GASK1B: variants seen among roughly 807,000 people sequenced by gnomAD.
The protein encoded by GASK1B is Golgi-associated kinase 1B.
Under a neutral mutation model 42.8 loss-of-function variants are expected in GASK1B, and 34 were observed. That is an observed-to-expected ratio of 0.79 (90% confidence interval 0.60 to 1.06). The LOEUF (loss-of-function observed/expected upper bound fraction) is 1.06, where lower values mean the gene tolerates loss of function less well. GASK1B is among the 50% of genes least tolerant of loss of function. The pLI, the probability that GASK1B is intolerant of heterozygous loss-of-function variation, is 0.00. For missense variants in GASK1B, 686 were observed against 661.0 expected, an observed-to-expected ratio of 1.04 and a Z score of -0.42; for synonymous variants, 262 against 259.1, an observed-to-expected ratio of 1.01 and a Z score of -0.11.
intron 3 of GASK1B, among the ~76,000 whole-genome samples, chr4:158,150,220 C>T (rs1018880049): frequency 5.3e-5 from 8 of 152,096 alleles, no homozygotes; most frequent in South Asian, 4.1e-4. Context: ...CCACCGCGCT[C>T]GGCCTCTGCA....
chr4:158,143,511 C>G (rs755136983), intron 3 of GASK1B, among the ~76,000 whole-genome samples: 2 of 151,918 alleles, frequency 1.3e-5, no homozygotes, highest in African/African-American at 4.8e-5. Flanking sequence ...GAGTCTCTTA[C>G]AGCATCCCGA....
chr4:158,133,375 C>T (rs1022472873), intron 3 of GASK1B, among the ~76,000 whole-genome samples: 3 of 151,940 alleles, frequency 2.0e-5, no homozygotes, highest in South Asian at 2.1e-4. Context: ...GAATATAACC[C>T]GTAAAGAAAA....
intron 3 of GASK1B, among the ~76,000 whole-genome samples, chr4:158,151,701 A>T (rs888624528): frequency 2.6e-5 from 4 of 152,172 alleles, no homozygotes; most frequent in African/African-American, 9.7e-5. Flanking sequence ...CCTAGAGGAG[A>T]TGGACAAATT....
chr4:158,151,483 AATGGGGTAAGACT>A (rs1731555115), intron 3 of GASK1B, among the ~76,000 whole-genome samples: 1 of 152,162 alleles, frequency 6.6e-6, no homozygotes, highest in Non-Finnish European at 1.5e-5. Flanking sequence ...TCACCTCCCA[AATGGGGTAAGACT>A]ATTCCTCATA....
At chr4:158,137,972 C>A (rs1730968938) in intron 3 of GASK1B, among the ~76,000 whole-genome samples, 1 of 152,154 alleles carries the variant, frequency 6.6e-6, no homozygotes, top group African/African-American at 2.4e-5. Flanking sequence ...TCTATTCCAC[C>A]TCTACTTTAG....
intron 2 of GASK1B, 165 bp downstream of exon 2, chr4:158,170,301 G>T: frequency 6.2e-7 from 1 of 1,614,240 alleles, no homozygotes; most frequent in Non-Finnish European, 8.5e-7. Context: ...CCCAGGCTGG[G>T]AAAATAAAGA....
intron 2 of GASK1B, chr4:158,159,658 G>A (rs530668074): frequency 2.4e-5 from 6 of 245,020 alleles, no homozygotes; most frequent in Admixed American, 5.1e-5. Context: ...GGTTTTAAAA[G>A]ATATGTGGGT....
At chr4:158,168,131 G>T (rs1278720744) in intron 2 of GASK1B, among the ~76,000 whole-genome samples, 2 of 152,026 alleles carry the variant, frequency 1.3e-5, no homozygotes, top group African/African-American at 4.8e-5. Flanking sequence ...GTAGAAGAAG[G>T]TATCAAAGAC....
intron 4 of GASK1B, among the ~76,000 whole-genome samples, chr4:158,127,843 C>T (rs1022265937): frequency 2.6e-5 from 4 of 152,116 alleles, no homozygotes; most frequent in African/African-American, 9.7e-5. Context: ...ACATGACAGA[C>T]TTCTTACTTA....
intron 4 of GASK1B, among the ~76,000 whole-genome samples, chr4:158,130,202 C>T (rs942782162): frequency 2.6e-5 from 4 of 152,190 alleles, no homozygotes; most frequent in Admixed American, 2.6e-4. Flanking sequence ...GTGTTAGATA[C>T]TTTTCCCCTT....
chr4:158,131,746 T>C (rs1730692495), intron 3 of GASK1B, among the ~76,000 whole-genome samples: 1 of 152,216 alleles, frequency 6.6e-6, no homozygotes, highest in Admixed American at 6.5e-5. Flanking sequence ...AAATAAAGCC[T>C]GGGCAAAGGA....
chr4:158,151,519 GT>G (rs1731557417), intron 3 of GASK1B, among the ~76,000 whole-genome samples: 1 of 152,040 alleles, frequency 6.6e-6, no homozygotes, highest in Admixed American at 6.5e-5. Context: ...TCAATAAATG[GT>G]AGCTATGATG....
rs552068439 is a variant in GASK1B, at chr4:158,155,819, C to A, written c.917G>T (p.Arg306Leu). ...SRKAEFIQDG[R>L]PCPIILWDAS... ...ATCCCAAAGAATGATGGGGCATGGG[C>A]GGCCATCTATAGAATCAGAAAAACA... Residue 306 changes from arginine (R) to leucine (L), a missense_variant, in exon 3 of 5, where the codon CGC becomes CTC. Arg to Leu is a moderately radical substitution (Grantham distance 102). Transcript: ENST00000585682. The A allele has an allele frequency of 6.2e-7, 1 of 1,613,370 alleles. No homozygotes were observed. Among genetic ancestry groups the A allele is most frequent in the African/African-American group, 1.3e-5 (1 of 74,976 alleles).
At chr4:158,132,186 C>T (rs1357550354) in intron 3 of GASK1B, among the ~76,000 whole-genome samples, 1 of 149,260 alleles carries the variant, frequency 6.7e-6, no homozygotes, top group East Asian at 2.0e-4. Context: ...CGATTTTTTT[C>T]CCCAGTACGT....
chr4:158,172,202 C>T (rs1732582958), intron 1 of GASK1B: 2 of 121,858 alleles, frequency 1.6e-5, no homozygotes, highest in Admixed American at 7.8e-5. Flanking sequence ...TACACACACA[C>T]AACACAACAC....
At position 158,155,819 on chromosome 4, in the gene GASK1B, CG is replaced by C; in HGVS notation, c.916del (p.Arg306AlafsTer34). On this transcript the variant is annotated frameshift_variant, in exon 3 of 5. Coordinates refer to ENST00000585682, the MANE Select transcript of GASK1B (RefSeq NM_001128424.2). LOFTEE classifies it high-confidence loss of function. ...ATCCCAAAGAATGATGGGGCATGGG[CG>C]GCCATCTATAGAATCAGAAAAACAA... ...SRKAEFIQDG[R>X]PCPIILWDAS... 1 of 1,613,370 alleles carries C rather than the reference CG, an allele frequency of 6.2e-7. No homozygotes were observed. Among genetic ancestry groups the C allele is most frequent in the Non-Finnish European group, 8.5e-7 (1 of 1,179,524 alleles).
intron 3 of GASK1B, among the ~76,000 whole-genome samples, chr4:158,154,531 G>T (rs562853812): frequency 2.7e-4 from 41 of 152,120 alleles, no homozygotes; most frequent in Non-Finnish European, 3.8e-4. Context: ...AGGAAAAGAA[G>T]TCATTATACA....
At position 158,127,387 on chromosome 4, in the gene GASK1B, C is replaced by A; in HGVS notation, c.*20G>T. The A allele has an allele frequency of 1.2e-6, 2 of 1,604,288 alleles. No homozygotes were observed. The highest frequency in any genetic ancestry group is 2.2e-5 in the South Asian group (2 of 90,006). ...AAAATGCATAAATATATCTAACACC[C>A]TAGCCAGAAGATTCTTTTGTCATTC... is the stretch of plus-strand genomic sequence containing the variant. On this transcript the variant is annotated 3_prime_UTR_variant, in exon 5 of 5. Transcript: ENST00000585682.
In GASK1B at chr4:158,170,956, T is replaced by C; in HGVS notation, c.420A>G (p.Pro140=). 2 of 1,614,194 alleles carry C rather than the reference T, an allele frequency of 1.2e-6. No individual in the cohort carries two copies. Among genetic ancestry groups the C allele is most frequent in the South Asian group, 2.2e-5 (2 of 91,078 alleles). ...ATGGTCCGACCAAAGCCTCCTGCCCTGGGGCAGCCGATGCCACTGCATGCT... is the reference window on the plus strand; with the variant it reads ...ATGGTCCGACCAAAGCCTCCTGCCCCGGGGCAGCCGATGCCACTGCATGCT... ...RKKHAVASAA[P]GQEALVGPSL... Residue 140 remains proline, a synonymous_variant, in exon 2 of 5, where the codon CCA becomes CCG. Transcript: ENST00000585682.
Sources: allele counts gnomAD v4.1 joint callset (sites outside exome capture counted in the v4.1 genomes callset), GRCh38; gene constraint gnomAD v4.1.1; transcripts MANE v1.5; gene names NCBI Gene and HGNC (gene_info 2026-07-23, HGNC 2026-07-21).